Variants in GREB1L observed in about 807,000 individuals in gnomAD.
The protein encoded by GREB1L is GREB1-like protein.
In GREB1L, 17 loss-of-function variants were observed where a neutral mutation model predicts 200.8. The ratio of observed to expected loss-of-function variants is 0.08; its 90% CI spans 0.06 to 0.13. The LOEUF (loss-of-function observed/expected upper bound fraction) is 0.13. Among genes scored for constraint, GREB1L ranks in the 10% least tolerant of loss-of-function variants. The pLI is 1.00. For synonymous variants in GREB1L, 789 were observed against 893.0 expected (o/e 0.88, Z 2.08); for missense variants, 1,657 against 2,367.7 (o/e 0.70, Z 6.23).
At chr18:21,494,680 G>A (rs2036476107) in intron 19 of GREB1L, among the ~76,000 whole-genome samples, 4 of 151,886 alleles carry the variant, frequency 2.6e-5, no homozygotes, top group East Asian at 3.9e-4. Flanking sequence ...CCCCTAAAAC[G>A]TTATCAGAAA....
At chr18:21,491,641 A>G (rs2145862650) in intron 19 of GREB1L, among the ~76,000 whole-genome samples, 1 of 151,474 alleles carries the variant, frequency 6.6e-6, no homozygotes, top group Non-Finnish European at 1.5e-5. Flanking sequence ...TGAACCCAGG[A>G]GGCGGAGCTT....
At chr18:21,450,915 T>A in intron 12 of GREB1L, 108 bp from the exon 13 acceptor site, 1 of 1,081,900 alleles carries the variant, frequency 9.2e-7, no homozygotes, top group Non-Finnish European at 1.3e-6. Context: ...TTAACCCAAG[T>A]CCCTATAGTG....
At chr18:21,427,896 GTGGACATATCT>G (rs2032738956) in intron 7 of GREB1L, among the ~76,000 whole-genome samples, 3 of 152,150 alleles carry the variant, frequency 2.0e-5, no homozygotes, top group African/African-American at 7.2e-5. Flanking sequence ...AGCGGCAAGA[GTGGACATATCT>G]TGGCCGGGCG....
intron 7 of GREB1L, among the ~76,000 whole-genome samples, chr18:21,432,105 A>G (rs1200250080): frequency 1.3e-5 from 2 of 151,154 alleles, no homozygotes; most frequent in Non-Finnish European, 2.9e-5. Context: ...TTGTATTTTT[A>G]GTGGAGACAG....
chr18:21,374,557 AGAAT>A (rs1188242823), intron 2 of GREB1L, among the ~76,000 whole-genome samples: 2 of 152,230 alleles, frequency 1.3e-5, no homozygotes, highest in African/African-American at 4.8e-5. Flanking sequence ...GTTATTACTT[AGAAT>A]ATGTACATCC....
rs183936272 is a variant in GREB1L at position 21,477,206 on chromosome 18, G to A, written c.2406G>A (p.Gly802=). The change falls in exon 17 of 33, where the codon GGG becomes GGA. Residue 802 remains glycine, a synonymous_variant. Transcript: ENST00000424526. The part of the protein sequence containing the change: ...GSLSHSEPSH[G]LADRVINCRE... ...TGTCACATAGCGAACCCAGTCATGG[G>A]CTAGCTGATAGAGTCATTAATTGCA... 1 of 1,551,992 alleles carries A rather than the reference G, an allele frequency of 6.4e-7. No individual in the cohort carries two copies. Among genetic ancestry groups the A allele is most frequent in the East Asian group, 2.4e-5 (1 of 40,914 alleles).
intron 5 of GREB1L, among the ~76,000 whole-genome samples, chr18:21,395,784 C>G (rs753587019): frequency 6.7e-6 from 1 of 150,196 alleles, no homozygotes; most frequent in African/African-American, 2.5e-5. Flanking sequence ...GGCTGGAGTG[C>G]AATGGTGCAG....
At chr18:21,373,887 A>G (rs1473691551) in intron 2 of GREB1L, among the ~76,000 whole-genome samples, 1 of 152,080 alleles carries the variant, frequency 6.6e-6, no homozygotes, top group Non-Finnish European at 1.5e-5. Flanking sequence ...GTGAATTTTT[A>G]TATTTTAAAT....
At chr18:21,480,823 C>G (rs1183294568) in intron 17 of GREB1L, among the ~76,000 whole-genome samples, 1 of 151,946 alleles carries the variant, frequency 6.6e-6, no homozygotes, top group Non-Finnish European at 1.5e-5. Context: ...AGTTAGAGAC[C>G]AGCCTGGGCA....
chr18:21,495,578 C>G (rs551397068), intron 19 of GREB1L, 92 bp from the exon 20 acceptor site: 1 of 701,946 alleles, frequency 1.4e-6, no homozygotes, highest in South Asian at 1.7e-5. Flanking sequence ...TTTGAAAGCA[C>G]AGTGTGTCTA....
chr18:21,477,585 G>GCC (rs1263914361), intron 17 of GREB1L, among the ~76,000 whole-genome samples: 1 of 152,128 alleles, frequency 6.6e-6, no homozygotes, highest in Non-Finnish European at 1.5e-5. Context: ...AGGAGATCGA[G>GCC]ACCATCCTGG....
chr18:21,439,666 T>C (rs2033783154), intron 8 of GREB1L, 29 bp downstream of exon 8: 1 of 1,333,526 alleles, frequency 7.5e-7, no homozygotes, highest in Non-Finnish European at 1.1e-6. Flanking sequence ...AGTTTTGTAA[T>C]AATGCACTTA....
chr18:21,461,096 CAAA>C (rs71178176), intron 15 of GREB1L, among the ~76,000 whole-genome samples: 1 of 130,068 alleles, frequency 7.7e-6, no homozygotes. Flanking sequence ...GACTCCATCT[CAAA>C]AAAAAAAAAA....
At chr18:21,245,942 C>T (rs2143840941) in intron 1 of GREB1L, among the ~76,000 whole-genome samples, 1 of 152,294 alleles carries the variant, frequency 6.6e-6, no homozygotes, top group South Asian at 2.1e-4. Flanking sequence ...GTCTCGATCT[C>T]ATCGATCTCG....
chr18:21,317,799 T>A (rs1384369164), intron 1 of GREB1L: 1 of 151,906 alleles, frequency 6.6e-6, no homozygotes, highest in African/African-American at 2.4e-5. Context: ...CCTGCTGATC[T>A]GTTTCCTCAG....
At chr18:21,355,347 C>T (rs933049000) in intron 1 of GREB1L, among the ~76,000 whole-genome samples, 3 of 152,106 alleles carry the variant, frequency 2.0e-5, no homozygotes, top group Non-Finnish European at 4.4e-5. Context: ...GCACACGCCT[C>T]CATGCCTGGC....
intron 5 of GREB1L, 36 bp from the exon 6 acceptor site, chr18:21,401,113 AC>A: frequency 6.7e-7 from 1 of 1,499,604 alleles, no homozygotes; most frequent in African/African-American, 1.4e-5. Context: ...GTATCAACTT[AC>A]AAGGCCATTA....
chr18:21,312,837 C>T (rs2038813648), intron 1 of GREB1L, among the ~76,000 whole-genome samples: 1 of 152,174 alleles, frequency 6.6e-6, no homozygotes, highest in Non-Finnish European at 1.5e-5. Flanking sequence ...CAGGTGTGAG[C>T]CACTGCACCC....
chr18:21,438,833 C>T (rs1261250259), intron 7 of GREB1L, among the ~76,000 whole-genome samples: 5 of 150,746 alleles, frequency 3.3e-5, no homozygotes, highest in African/African-American at 1.2e-4. Flanking sequence ...TGGTGGTGGG[C>T]GCCTGTAGTC....
Sources: allele counts gnomAD v4.1 joint callset (sites outside exome capture counted in the v4.1 genomes callset), GRCh38; gene constraint gnomAD v4.1.1; transcripts MANE v1.5; gene names NCBI Gene and HGNC (gene_info 2026-07-23, HGNC 2026-07-21).